The following GUCY1A2 variants were observed in gnomAD, a reference collection of about 807,000 sequenced individuals.
GUCY1A2 encodes guanylate cyclase soluble subunit alpha-2.
Under a neutral mutation model 63.5 loss-of-function variants are expected in GUCY1A2, and 27 were observed. The ratio of observed to expected loss-of-function variants is 0.43; its 90% CI spans 0.31 to 0.59. GUCY1A2 has a LOEUF of 0.59. Ranked by LOEUF, GUCY1A2 falls within the 20% of genes least tolerant of loss-of-function variation. The pLI is 0.11. For missense variants in GUCY1A2, 768 were observed against 913.3 expected (o/e 0.84, Z 2.05); for synonymous variants, 364 against 343.5 (o/e 1.06, Z -0.66).
intron 1 of GUCY1A2, among the ~76,000 whole-genome samples, chr11:107,013,127 GTC>G (rs1214072587): frequency 2.7e-5 from 4 of 148,850 alleles, no homozygotes; most frequent in Non-Finnish European, 5.9e-5. Context: ...CTCTTCACTA[GTC>G]TCTGTTTCTT....
At chr11:106,866,424 G>A (rs180928664) in intron 4 of GUCY1A2, among the ~76,000 whole-genome samples, 50 of 152,162 alleles carry the variant, frequency 3.3e-4, no homozygotes, top group Non-Finnish European at 5.6e-4. Context: ...CAGTGTGGAC[G>A]TCGCTGCTGC....
chr11:106,784,938 T>C lies in GUCY1A2; in HGVS notation c.1693-8356A>G, dbSNP rs575543485. ...ACTTTCTATGGGCATTAATCTGTCA[T>C]ATGAAGAACTGAAAGTCCTCAGCTG... is the stretch of plus-strand genomic sequence containing the variant. On this transcript the variant is annotated intron_variant, in intron 5 of 7. Coordinates refer to ENST00000526355, the MANE Select transcript of GUCY1A2 (RefSeq NM_000855.3). Among the ~76,000 whole-genome samples the C allele has an allele frequency of 2.0e-5, 3 of 152,282 alleles. No individual in the cohort carries two copies. In the South Asian group the frequency reaches 6.2e-4, roughly 32 times the overall value.
chr11:106,968,199 G>T (rs2120086110), intron 3 of GUCY1A2, among the ~76,000 whole-genome samples: 1 of 152,192 alleles, frequency 6.6e-6, no homozygotes, highest in African/African-American at 2.4e-5. Flanking sequence ...ACAAAGTTCT[G>T]GTCTCTGCCC....
At chr11:106,935,293 A>G (rs1162844574) in intron 4 of GUCY1A2, among the ~76,000 whole-genome samples, 1 of 152,144 alleles carries the variant, frequency 6.6e-6, no homozygotes, top group Non-Finnish European at 1.5e-5. Context: ...AAGGAACACA[A>G]CTAATAATAG....
intron 4 of GUCY1A2, among the ~76,000 whole-genome samples, chr11:106,906,861 C>T (rs1006817309): frequency 6.6e-6 from 1 of 152,090 alleles, no homozygotes; most frequent in African/African-American, 2.4e-5. Context: ...CACATGTCCT[C>T]ACTCATAGGT....
At chr11:106,964,006 TTC>T (rs1250132823) in intron 3 of GUCY1A2, among the ~76,000 whole-genome samples, 2 of 152,004 alleles carry the variant, frequency 1.3e-5, no homozygotes, top group African/African-American at 2.4e-5. Context: ...TGCTTTCTTA[TTC>T]TCTCTCATTC....
intron 6 of GUCY1A2, among the ~76,000 whole-genome samples, chr11:106,741,697 A>AC (rs1372312727): frequency 6.6e-6 from 1 of 152,204 alleles, no homozygotes; most frequent in Non-Finnish European, 1.5e-5. Flanking sequence ...TTCTACTAGC[A>AC]CCACCCACAT....
At chr11:106,759,607 AC>A (rs1015261286) in intron 6 of GUCY1A2, among the ~76,000 whole-genome samples, 1 of 152,180 alleles carries the variant, frequency 6.6e-6, no homozygotes, top group South Asian at 2.1e-4. Context: ...AGTAGGGGGG[AC>A]CCCCCAATCC....
intron 5 of GUCY1A2, among the ~76,000 whole-genome samples, chr11:106,806,062 T>C (rs1858679466): frequency 5.3e-5 from 8 of 152,122 alleles, no homozygotes; most frequent in Admixed American, 5.2e-4. Context: ...CTGGGCCTAC[T>C]AGGTATGTGT....
intron 4 of GUCY1A2, among the ~76,000 whole-genome samples, chr11:106,865,102 A>G (rs1440896703): frequency 1.3e-5 from 2 of 151,918 alleles, no homozygotes; most frequent in Non-Finnish European, 2.9e-5. Flanking sequence ...TAGGGATTTG[A>G]CTTCTTCTTG....
intron 1 of GUCY1A2, among the ~76,000 whole-genome samples, chr11:107,011,552 ATATT>A (rs1439682198): frequency 3.4e-5 from 5 of 146,596 alleles, no homozygotes; most frequent in African/African-American, 9.9e-5. Context: ...ATATATAAAT[ATATT>A]TATAATATAT....
chr11:106,857,500 G>C (rs1170619818), intron 4 of GUCY1A2, among the ~76,000 whole-genome samples: 2 of 152,178 alleles, frequency 1.3e-5, no homozygotes, highest in Non-Finnish European at 2.9e-5. Flanking sequence ...TATAAAACCA[G>C]TCATTGCTGC....
At chr11:106,874,984 TGAAATAAA>T (rs146564381) in intron 4 of GUCY1A2, among the ~76,000 whole-genome samples, 11,473 of 152,062 alleles carry the variant, frequency 0.075, 598 homozygotes, top group Middle Eastern at 0.13. Context: ...TTATTGCTAG[TGAAATAAA>T]GAAATAATCC....
At chr11:107,004,741 C>T (rs1288541925) in intron 1 of GUCY1A2, among the ~76,000 whole-genome samples, 1 of 152,106 alleles carries the variant, frequency 6.6e-6, no homozygotes, top group Non-Finnish European at 1.5e-5. Flanking sequence ...TGTAGGAGGA[C>T]TACTGTCTGA....
rs565412040 is a variant in GUCY1A2, at chr11:106,692,957, T to C, written c.1992-5201A>G. Among the ~76,000 whole-genome samples the C allele has an allele frequency of 5.9e-5, 9 of 152,322 alleles. 1 individual carries two copies. The highest frequency in any genetic ancestry group is 2.2e-4 in the African/African-American group (9 of 41,562). Reference sequence around the variant, plus strand: ...GACTAGTATATATAGCTCTCTGACATCTGCACGTTTGAAATCACTGTGTGA... The same window carrying C: ...GACTAGTATATATAGCTCTCTGACACCTGCACGTTTGAAATCACTGTGTGA... On this transcript the variant is annotated intron_variant, in intron 7 of 7. Coordinates refer to ENST00000526355, the MANE Select transcript of GUCY1A2 (RefSeq NM_000855.3).
intron 4 of GUCY1A2, among the ~76,000 whole-genome samples, chr11:106,836,379 T>C (rs1859117457): frequency 6.6e-6 from 1 of 152,008 alleles, no homozygotes; most frequent in Non-Finnish European, 1.5e-5. Flanking sequence ...AAAATACATA[T>C]ACAGTACTGT....
chr11:106,940,470 A>G (rs1860738179), intron 3 of GUCY1A2, among the ~76,000 whole-genome samples: 1 of 152,186 alleles, frequency 6.6e-6, no homozygotes, highest in Non-Finnish European at 1.5e-5. Context: ...AATTGAGCAG[A>G]AGGCACAGTT....
chr11:106,857,889 A>G (rs1191046919), intron 4 of GUCY1A2, among the ~76,000 whole-genome samples: 2 of 152,250 alleles, frequency 1.3e-5, no homozygotes, highest in Non-Finnish European at 2.9e-5. Flanking sequence ...ACCATTTTAT[A>G]TCAGGAACTT....
In GUCY1A2 at chr11:106,765,414, A is replaced by C. The variant is rs561220673; in HGVS notation, c.1836+11025T>G. 3.9e-5 allele frequency among the ~76,000 whole-genome samples: 6 copies of C among 152,206 alleles called. No individual in the cohort carries two copies. The South Asian group carries it at 1.2e-3, about 32-fold the overall frequency. ...TTTCTCCTTCCTCACCAAGTTAGTAATTTCTAGTTGTTGGTTCCATAGGCT... is the reference window on the plus strand; with the variant it reads ...TTTCTCCTTCCTCACCAAGTTAGTACTTTCTAGTTGTTGGTTCCATAGGCT... On this transcript the variant is annotated intron_variant, in intron 6 of 7. Transcript: ENST00000526355.
Sources: allele counts gnomAD v4.1 joint callset (sites outside exome capture counted in the v4.1 genomes callset), GRCh38; gene constraint gnomAD v4.1.1; transcripts MANE v1.5; gene names NCBI Gene and HGNC (gene_info 2026-07-23, HGNC 2026-07-21).